Variants in RUNDC3B observed in about 807,000 individuals in gnomAD.
RUNDC3B encodes RUN domain containing 3B.
A neutral mutation model predicts 58.4 loss-of-function variants in RUNDC3B; 33 were observed. That is an observed-to-expected ratio of 0.56 (90% CI 0.43 to 0.75). The LOEUF (loss-of-function observed/expected upper bound fraction) is 0.75. Among genes scored for constraint, RUNDC3B ranks in the 30% least tolerant of loss-of-function variants. The pLI is 0.00. For missense variants in RUNDC3B, 501 were observed against 535.7 expected (o/e 0.94, Z 0.64); for synonymous variants, 193 against 195.2 (o/e 0.99, Z 0.10).
At chr7:87,635,413 T>A (rs1403204052) in intron 1 of RUNDC3B, among the ~76,000 whole-genome samples, 2 of 152,212 alleles carry the variant, frequency 1.3e-5, no homozygotes, top group Non-Finnish European at 2.9e-5. Flanking sequence ...CTGTGTTTAG[T>A]GCCAACAATT....
At chr7:87,712,584 T>C (rs2130749008) in intron 4 of RUNDC3B, among the ~76,000 whole-genome samples, 1 of 152,186 alleles carries the variant, frequency 6.6e-6, no homozygotes, top group South Asian at 2.1e-4. Context: ...TGTTTCTTAG[T>C]TTAAATGATT....
Position 87,770,576 on chromosome 7 carries a change from C to T in RUNDC3B, c.630-5C>T. The T allele has an allele frequency of 1.2e-6, 2 of 1,609,830 alleles. No individual in the cohort carries two copies. Among genetic ancestry groups the T allele is most frequent in the Non-Finnish European group, 1.7e-6 (2 of 1,177,660 alleles). On this transcript the variant is annotated splice_region_variant and splice_polypyrimidine_tract_variant and intron_variant, in intron 6 of 10. Transcript: ENST00000394654. ...AACTTTTTTTTAAAATTTTGATCTT[C>T]CCAGTTCTGATAGTATCAGCAGTGA...
intron 4 of RUNDC3B, chr7:87,713,115 T>G (rs201395376): frequency 6.6e-6 from 1 of 152,212 alleles, no homozygotes; most frequent in Non-Finnish European, 1.5e-5. Context: ...TTCATAAGAT[T>G]AGATTTGTAA....
chr7:87,777,236 T>G (rs1402537476), intron 7 of RUNDC3B, among the ~76,000 whole-genome samples: 1 of 152,202 alleles, frequency 6.6e-6, no homozygotes, highest in African/African-American at 2.4e-5. Flanking sequence ...CTGTATTGAT[T>G]CATTTAATCC....
intron 2 of RUNDC3B, among the ~76,000 whole-genome samples, chr7:87,669,814 T>G (rs1825653701): frequency 6.6e-6 from 1 of 152,194 alleles, no homozygotes; most frequent in African/African-American, 2.4e-5. Context: ...CTCTTCTGGC[T>G]TGTAGGGTTT....
In RUNDC3B at chr7:87,658,071, A is replaced by T. The variant is rs549774400; in HGVS notation, c.238+7134A>T. Among the ~76,000 whole-genome samples, 7 of 152,342 alleles carry T rather than the reference A, an allele frequency of 4.6e-5. No homozygotes were observed. In the East Asian group the frequency reaches 1.3e-3, roughly 29 times the overall value. ...TTGCATAATAAAAGATAGTCAATAG[A>T]TGTCAACACTGAGATGACAGAGGTG... On this transcript the variant is annotated intron_variant, in intron 2 of 10. Coordinates refer to ENST00000394654, the MANE Select transcript of RUNDC3B (RefSeq NM_001134405.2).
chr7:87,782,238 A>G (rs1021731859), intron 8 of RUNDC3B, among the ~76,000 whole-genome samples: 2 of 151,928 alleles, frequency 1.3e-5, no homozygotes, highest in African/African-American at 4.8e-5. Flanking sequence ...TTTCCTCTAG[A>G]TTTTCTAGTT....
chr7:87,726,360 A>T (rs1021615802), intron 4 of RUNDC3B, among the ~76,000 whole-genome samples: 7 of 152,168 alleles, frequency 4.6e-5, no homozygotes, highest in African/African-American at 1.7e-4. Flanking sequence ...TCCTTTCCCC[A>T]TTGCTGGTTT....
At chr7:87,765,765 C>A (rs1833945320) in intron 6 of RUNDC3B, among the ~76,000 whole-genome samples, 1 of 151,984 alleles carries the variant, frequency 6.6e-6, no homozygotes, top group African/African-American at 2.4e-5. Context: ...AATATATATT[C>A]TGTGGTTATT....
intron 9 of RUNDC3B, among the ~76,000 whole-genome samples, chr7:87,812,395 G>A (rs1836771754): frequency 1.3e-5 from 2 of 152,098 alleles, no homozygotes; most frequent in Non-Finnish European, 2.9e-5. Context: ...GATCACTTGA[G>A]GTCAGGAGTT....
intron 10 of RUNDC3B, among the ~76,000 whole-genome samples, chr7:87,819,188 A>C (rs1468525210): frequency 6.6e-6 from 1 of 152,164 alleles, no homozygotes; most frequent in Admixed American, 6.5e-5. Flanking sequence ...CAGTAAGATT[A>C]ACAAAAGCTT....
chr7:87,704,403 G>A (rs1200699861), intron 3 of RUNDC3B, among the ~76,000 whole-genome samples: 1 of 152,156 alleles, frequency 6.6e-6, no homozygotes, highest in African/African-American at 2.4e-5. Context: ...GAACATAACA[G>A]TGTATTCTAA....
At chr7:87,723,123 A>G (rs573747931) in intron 4 of RUNDC3B, among the ~76,000 whole-genome samples, 277 of 152,346 alleles carry the variant, frequency 1.8e-3, no homozygotes, top group Non-Finnish European at 3.3e-3. Flanking sequence ...GGAGAATGCA[A>G]TTAATTCAGC....
chr7:87,764,060 C>T (rs1833842329), intron 6 of RUNDC3B, among the ~76,000 whole-genome samples: 1 of 151,774 alleles, frequency 6.6e-6, no homozygotes, highest in Non-Finnish European at 1.5e-5. Flanking sequence ...TCTCTCTCTT[C>T]AGTTTTACCT....
At chr7:87,719,346 C>T (rs1177290258) in intron 4 of RUNDC3B, among the ~76,000 whole-genome samples, 1 of 151,800 alleles carries the variant, frequency 6.6e-6, no homozygotes, top group Non-Finnish European at 1.5e-5. Context: ...GCTGCAATCT[C>T]TATGTTAATA....
intron 6 of RUNDC3B, among the ~76,000 whole-genome samples, chr7:87,747,336 G>T (rs1225211292): frequency 1.3e-5 from 2 of 152,202 alleles, no homozygotes; most frequent in Non-Finnish European, 2.9e-5. Flanking sequence ...CCATCTATGG[G>T]TCTCTCAGCC....
Position 87,741,558 on chromosome 7 carries a change from C to A in RUNDC3B, c.608C>A (p.Pro203Gln). 1 of 1,580,494 alleles carries A rather than the reference C, an allele frequency of 6.3e-7. No individual in the cohort carries two copies. The highest frequency in any genetic ancestry group is 8.7e-7 in the Non-Finnish European group (1 of 1,155,926). Residue 203 changes from proline to glutamine, a missense_variant, in exon 6 of 11, where the codon CCA (proline) becomes CAA (glutamine). Coordinates refer to ENST00000394654, the MANE Select transcript of RUNDC3B (RefSeq NM_001134405.2). ...GSFPAVIDYT[P>Q]YLKYIQSSDS... ...TTTCCTGCTGTAATAGACTATACAC[C>A]ATATTTGAAGTATATCCAAAGGTAT...
At chr7:87,795,498 G>A (rs982633993) in intron 8 of RUNDC3B, among the ~76,000 whole-genome samples, 1 of 152,146 alleles carries the variant, frequency 6.6e-6, no homozygotes, top group African/African-American at 2.4e-5. Context: ...GCAAAGATGT[G>A]GAGTAAACTA....
At chr7:87,750,752 G>T (rs1189420815) in intron 6 of RUNDC3B, among the ~76,000 whole-genome samples, 293 of 149,670 alleles carry the variant, frequency 2.0e-3, no homozygotes, top group African/African-American at 6.4e-3. Flanking sequence ...TAAATTTGTT[G>T]GAGTTCATTG....
Sources: gnomAD v4.1 joint callset for allele counts (sites outside exome capture counted in the v4.1 genomes callset) on GRCh38, gnomAD v4.1.1 for gene constraint, MANE v1.5 for transcripts, NCBI Gene and HGNC (gene_info 2026-07-23, HGNC 2026-07-21) for gene names.